CSMD1: variants seen among roughly 807,000 people sequenced by gnomAD.
The protein encoded by CSMD1 is CUB and sushi domain-containing protein 1.
A neutral mutation model predicts 417.5 loss-of-function variants in CSMD1; 213 were observed. The observed-to-expected ratio is 0.51, with a 90% CI of 0.46 to 0.57. The LOEUF (loss-of-function observed/expected upper bound fraction) is 0.57, where lower values mean the gene tolerates loss of function less well. Among genes scored for constraint, CSMD1 ranks in the 20% least tolerant of loss-of-function variants. The pLI is 0.00. For synonymous variants in CSMD1, 2,862 were observed against 1,736.8 expected, an observed-to-expected ratio of 1.65 and a Z score of -16.11; for missense variants, 6,923 against 4,529.7, an observed-to-expected ratio of 1.53 and a Z score of -15.17.
At chr8:3,953,115 G>T (rs907170354) in intron 5 of CSMD1, among the ~76,000 whole-genome samples, 2 of 151,894 alleles carry the variant, frequency 1.3e-5, no homozygotes, top group Admixed American at 1.3e-4. Flanking sequence ...TCTCTGAAAA[G>T]ATCAATGATC....
Position 4,093,835 on chromosome 8 carries a change from C to A in CSMD1, c.416-61736G>T, listed in dbSNP as rs141062265. Among the ~76,000 whole-genome samples, 418 of 152,140 alleles carry A rather than the reference C, an allele frequency of 2.7e-3. 2 individuals are homozygous for A. Among genetic ancestry groups the A allele is most frequent in the Middle Eastern group, 0.017 (5 of 294 alleles). On this transcript the variant is annotated intron_variant, in intron 3 of 69. Transcript: ENST00000635120. ...AAGTAGCTGGGTGTGGTGGTGCATG[C>A]CTGTAATCCCAGCAATCGGGAGGCT...
At chr8:3,418,058 T>C (rs1203777337) in intron 12 of CSMD1, among the ~76,000 whole-genome samples, 1 of 152,220 alleles carries the variant, frequency 6.6e-6, no homozygotes, top group African/African-American at 2.4e-5. Context: ...TGCTTAATTA[T>C]GGTGCTCAGG....
At chr8:4,993,928 CG>C (rs1257434426) in intron 1 of CSMD1, among the ~76,000 whole-genome samples, 1 of 152,094 alleles carries the variant, frequency 6.6e-6, no homozygotes, top group East Asian at 1.9e-4. Context: ...CCAGGCGCGT[CG>C]GGTCCGGGGA....
intron 26 of CSMD1, among the ~76,000 whole-genome samples, chr8:3,280,557 T>G (rs1802654635): frequency 6.6e-6 from 1 of 152,192 alleles, no homozygotes; most frequent in South Asian, 2.1e-4. Flanking sequence ...TCTGAAAATT[T>G]ATACCAGAAT....
intron 4 of CSMD1, among the ~76,000 whole-genome samples, chr8:4,019,356 T>A (rs767660916): frequency 6.6e-6 from 1 of 152,192 alleles, no homozygotes; most frequent in Admixed American, 6.5e-5. Flanking sequence ...GAGTTTTGTG[T>A]CTGTTCCCAT....
intron 2 of CSMD1, among the ~76,000 whole-genome samples, chr8:4,439,825 A>C (rs1203127180): frequency 6.6e-6 from 1 of 152,208 alleles, no homozygotes; most frequent in Non-Finnish European, 1.5e-5. Flanking sequence ...GTGAAAATTA[A>C]AGGCACTAAT....
At chr8:4,942,760 T>C (rs1257868056) in intron 1 of CSMD1, among the ~76,000 whole-genome samples, 1 of 152,154 alleles carries the variant, frequency 6.6e-6, no homozygotes, top group Non-Finnish European at 1.5e-5. Context: ...CAGGGAGAAA[T>C]GACATACACA....
intron 10 of CSMD1, among the ~76,000 whole-genome samples, chr8:3,526,871 G>C (rs1797775138): frequency 6.6e-6 from 1 of 152,142 alleles, no homozygotes; most frequent in Admixed American, 6.5e-5. Flanking sequence ...TTTCTTTGGA[G>C]AGGTAAAGTG....
At chr8:4,542,624 C>T (rs1797442440) in intron 2 of CSMD1, among the ~76,000 whole-genome samples, 1 of 152,076 alleles carries the variant, frequency 6.6e-6, no homozygotes, top group African/African-American at 2.4e-5. Flanking sequence ...CTTCACTTTG[C>T]TCCAATGCAA....
At chr8:3,396,485 A>T in intron 16 of CSMD1, 104 bp from the exon 17 acceptor site, 4 of 745,720 alleles carry the variant, frequency 5.4e-6, no homozygotes, top group Non-Finnish European at 8.5e-6. Flanking sequence ...GTACGTTAAC[A>T]TGAAGAAAAT....
At chr8:3,546,528 C>CCAT (rs202126362) in intron 10 of CSMD1, among the ~76,000 whole-genome samples, 5,537 of 149,206 alleles carry the variant, frequency 0.037, 334 homozygotes, top group African/African-American at 0.13. Flanking sequence ...GAGTGAGACT[C>CCAT]CAAAAAAAAA....
In CSMD1 at chr8:3,657,148, T is replaced by C. The variant is rs1284691327; in HGVS notation, c.1010-40351A>G. Among the ~76,000 whole-genome samples the C allele has an allele frequency of 4.6e-5, 7 of 152,022 alleles. No homozygotes were observed. The South Asian group carries it at 1.0e-3, about 22-fold the overall frequency. On this transcript the variant is annotated intron_variant, in intron 7 of 69. Coordinates refer to ENST00000635120, the MANE Select transcript of CSMD1 (RefSeq NM_033225.6). ...GCATCATCTGTCCCTAGCATTTGGC[T>C]ACAAAAAAAAGTAAATTTACATCCT... is the stretch of plus-strand genomic sequence containing the variant.
chr8:4,125,222 A>G (rs1413669056), intron 3 of CSMD1, among the ~76,000 whole-genome samples: 1 of 152,164 alleles, frequency 6.6e-6, no homozygotes, highest in Non-Finnish European at 1.5e-5. Flanking sequence ...CGAGCTGGGA[A>G]CTGCTTAGGG....
At chr8:4,612,927 A>G (rs901952737) in intron 2 of CSMD1, among the ~76,000 whole-genome samples, 2 of 152,166 alleles carry the variant, frequency 1.3e-5, no homozygotes, top group African/African-American at 4.8e-5. Context: ...TTTATGTACT[A>G]ATTATGGGAA....
At chr8:4,309,539 A>G (rs1399364946) in intron 3 of CSMD1, among the ~76,000 whole-genome samples, 1 of 152,186 alleles carries the variant, frequency 6.6e-6, no homozygotes, top group African/African-American at 2.4e-5. Context: ...CAGACAAAGT[A>G]TAAATCATAG....
intron 10 of CSMD1, among the ~76,000 whole-genome samples, chr8:3,558,361 GATGAATGGTGCCTCAGTA>G (rs1377642482): frequency 1.2e-4 from 15 of 123,516 alleles, no homozygotes; most frequent in South Asian, 2.7e-4. Context: ...CTCCTCCAAT[GATGAATGGTGCCTCAGTA>G]GTACCCCGTG....
intron 10 of CSMD1, among the ~76,000 whole-genome samples, chr8:3,564,642 TTAGTTCTG>T (rs1563158306): frequency 8.6e-5 from 13 of 151,328 alleles, no homozygotes; most frequent in African/African-American, 1.7e-4. Flanking sequence ...ATAAATCTAT[TTAGTTCTG>T]AAAGTTAAGA....
At chr8:4,538,559 C>G (rs1175562708) in intron 2 of CSMD1, among the ~76,000 whole-genome samples, 2 of 151,948 alleles carry the variant, frequency 1.3e-5, no homozygotes, top group Non-Finnish European at 2.9e-5. Context: ...AGGAGAATCG[C>G]TTGAACCCAG....
At chr8:4,114,595 T>C (rs543813944) in intron 3 of CSMD1, among the ~76,000 whole-genome samples, 2 of 152,272 alleles carry the variant, frequency 1.3e-5, no homozygotes, top group South Asian at 2.1e-4. Context: ...TAGGTAGGGA[T>C]TCTTCGATGG....
Sources: gnomAD v4.1 joint callset for allele counts (sites outside exome capture counted in the v4.1 genomes callset) on GRCh38, gnomAD v4.1.1 for gene constraint, MANE v1.5 for transcripts, NCBI Gene and HGNC (gene_info 2026-07-23, HGNC 2026-07-21) for gene names.